Variants in MAN1A1 observed in about 807,000 individuals in gnomAD.
MAN1A1 encodes the protein mannosidase alpha class 1A member 1.
MAN1A1 carries 29 observed loss-of-function variants against 70.8 expected under a neutral mutation model. The observed-to-expected ratio is 0.41, with a 90% CI of 0.31 to 0.56. MAN1A1 has a LOEUF of 0.56. MAN1A1 is among the 20% of genes least tolerant of loss of function. The probability of loss-of-function intolerance (pLI) is 0.29; values close to 1 mark genes in which losing one functional copy is unlikely to be tolerated. For missense variants in MAN1A1, 747 were observed against 841.3 expected (o/e 0.89, Z 1.39); for synonymous variants, 349 against 330.1 (o/e 1.06, Z -0.62).
At chr6:119,203,254 C>CA (rs776176402) in intron 7 of MAN1A1, among the ~76,000 whole-genome samples, 25 of 152,086 alleles carry the variant, frequency 1.6e-4, no homozygotes, top group Non-Finnish European at 4.4e-5. Context: ...CCATGTTAGT[C>CA]AGAGTGGCCT....
At chr6:119,241,125 A>T (rs537862327) in intron 6 of MAN1A1, among the ~76,000 whole-genome samples, 1 of 152,216 alleles carries the variant, frequency 6.6e-6, no homozygotes, top group African/African-American at 2.4e-5. Context: ...AAAAATGCCT[A>T]AAGTTTACTT....
intron 2 of MAN1A1, among the ~76,000 whole-genome samples, chr6:119,341,763 T>C (rs565137600): frequency 5.3e-5 from 8 of 152,294 alleles, no homozygotes; most frequent in Non-Finnish European, 7.4e-5. Context: ...ATGAAACAGA[T>C]TGAAATTCAC....
In MAN1A1 at chr6:119,331,582, T is replaced by TATATATATATATATAC. The variant is rs1554216775; in HGVS notation, c.603+16880_603+16881insGTATATATATATATAT. Among the ~76,000 whole-genome samples the TATATATATATATATAC allele has an allele frequency of 1.2e-3, 175 of 144,728 alleles. 2 individuals carry two copies. Among genetic ancestry groups the TATATATATATATATAC allele is most frequent in the Middle Eastern group, 7.2e-3 (2 of 276 alleles). 94.9% of individuals were successfully genotyped at this position (144,728 alleles called of 152,430 possible). On this transcript the variant is annotated intron_variant, in intron 2 of 12. Coordinates refer to ENST00000368468, the MANE Select transcript of MAN1A1 (RefSeq NM_005907.4). The stretch of plus-strand genomic sequence containing the variant: ...TGTACATATTATGCATATATATATA[T>TATATATATATATATAC]ATATATATATATATATAATCAAGGG...
At chr6:119,181,531 T>C (rs1773154740) in intron 11 of MAN1A1, among the ~76,000 whole-genome samples, 1 of 151,670 alleles carries the variant, frequency 6.6e-6, no homozygotes, top group South Asian at 2.1e-4. Flanking sequence ...TGATCCTACA[T>C]TTCTGTAGTT....
At chr6:119,229,802 T>C (rs1279155921) in intron 6 of MAN1A1, among the ~76,000 whole-genome samples, 3 of 152,080 alleles carry the variant, frequency 2.0e-5, no homozygotes, top group African/African-American at 7.3e-5. Flanking sequence ...CCGTTCTGAC[T>C]TCAGTTTTTT....
chr6:119,180,199 GA>G (rs1773113308), intron 12 of MAN1A1, 112 bp downstream of exon 12: 1 of 798,474 alleles, frequency 1.3e-6, no homozygotes, highest in African/African-American at 1.7e-5. Context: ...AGCCATGCCT[GA>G]TATTCTGAAT....
chr6:119,331,306 C>T (rs894370402), intron 2 of MAN1A1, among the ~76,000 whole-genome samples: 1 of 151,906 alleles, frequency 6.6e-6, no homozygotes, highest in Non-Finnish European at 1.5e-5. Flanking sequence ...ATTCATACTG[C>T]ATTTTTGTTA....
At chr6:119,309,209 G>A (rs1471142792) in intron 2 of MAN1A1, among the ~76,000 whole-genome samples, 1 of 152,182 alleles carries the variant, frequency 6.6e-6, no homozygotes, top group Non-Finnish European at 1.5e-5. Flanking sequence ...GATCACTTCT[G>A]GAAATGATTT....
chr6:119,328,143 A>G (rs1185761729), intron 2 of MAN1A1, among the ~76,000 whole-genome samples: 1 of 152,204 alleles, frequency 6.6e-6, no homozygotes, highest in African/African-American at 2.4e-5. Context: ...CTCTGTGATA[A>G]TTTGTTAGAG....
intron 4 of MAN1A1, among the ~76,000 whole-genome samples, chr6:119,293,839 G>C (rs1356437952): frequency 1.3e-5 from 2 of 152,072 alleles, no homozygotes; most frequent in Non-Finnish European, 2.9e-5. Context: ...AAAGACCTGG[G>C]ATTGAAGGCT....
At position 119,180,432 on chromosome 6, in the gene MAN1A1, A is replaced by C. The variant is rs766138246; in HGVS notation, c.1720-5T>G. The C allele has an allele frequency of 6.8e-7, 1 of 1,478,736 alleles. No homozygotes were observed. The highest frequency in any genetic ancestry group is 1.4e-5 in the African/African-American group (1 of 71,356). The allele number at this position is 1,478,736 out of a possible 1,614,324, so 91.6% of individuals were successfully genotyped here. ...TCTGCAATGGTTTTCCAAGGCCTAA[A>C]TTATAGAGGAGGAAAAAAAAAAGTC... On this transcript the variant is annotated splice_region_variant and splice_polypyrimidine_tract_variant and intron_variant, in intron 11 of 12. Transcript: ENST00000368468.
chr6:119,292,206 G>C (rs1772049178), intron 4 of MAN1A1, among the ~76,000 whole-genome samples: 1 of 152,140 alleles, frequency 6.6e-6, no homozygotes, highest in Non-Finnish European at 1.5e-5. Flanking sequence ...TACTAGGTAA[G>C]TTAGAATAGC....
chr6:119,234,133 C>T (rs1333703480), intron 6 of MAN1A1, among the ~76,000 whole-genome samples: 2 of 152,162 alleles, frequency 1.3e-5, no homozygotes, highest in Non-Finnish European at 2.9e-5. Context: ...CACACTTGAT[C>T]TCCCACTTCA....
intron 2 of MAN1A1, among the ~76,000 whole-genome samples, chr6:119,315,687 G>A (rs1429543950): frequency 6.6e-6 from 1 of 152,192 alleles, no homozygotes; most frequent in African/African-American, 2.4e-5. Context: ...CAACTCAAAA[G>A]TTAGAGGTCA....
In MAN1A1 at chr6:119,320,570, G is replaced by A. The variant is rs553319495; in HGVS notation, c.604-13578C>T. 1.5e-4 allele frequency among the ~76,000 whole-genome samples: 23 copies of A among 151,960 alleles called. No homozygotes were observed. The South Asian group carries it at 3.5e-3, about 23-fold the overall frequency. On this transcript the variant is annotated intron_variant, in intron 2 of 12. Transcript: ENST00000368468. ...TTACCAAAAAAATTACAGTAGCCAA[G>A]TCCTCTGATTAAGTTTTAAAGACTG...
intron 3 of MAN1A1, 70 bp from the exon 4 acceptor site, chr6:119,302,173 T>G: frequency 1.4e-6 from 1 of 710,886 alleles, no homozygotes; most frequent in South Asian, 1.7e-5. Flanking sequence ...TGACCATAAC[T>G]AAGAAAGGGA....
chr6:119,205,567 CTT>C (rs1300257949), intron 6 of MAN1A1, among the ~76,000 whole-genome samples: 1 of 152,126 alleles, frequency 6.6e-6, no homozygotes, highest in Non-Finnish European at 1.5e-5. Context: ...GCTTCATGGC[CTT>C]TCTTGGAGAA....
chr6:119,243,032 G>GT (rs1775054258), intron 6 of MAN1A1, among the ~76,000 whole-genome samples: 1 of 152,020 alleles, frequency 6.6e-6, no homozygotes, highest in African/African-American at 2.4e-5. Context: ...TTAGAAAGAT[G>GT]TAACTTCTTT....
chr6:119,257,495 A>G (rs949533048), intron 5 of MAN1A1, among the ~76,000 whole-genome samples: 2 of 152,150 alleles, frequency 1.3e-5, no homozygotes, highest in Non-Finnish European at 2.9e-5. Context: ...AGAGGCAAAC[A>G]TATATGAACG....
Sources: allele counts gnomAD v4.1 joint callset (sites outside exome capture counted in the v4.1 genomes callset), GRCh38; gene constraint gnomAD v4.1.1; transcripts MANE v1.5; gene names NCBI Gene and HGNC (gene_info 2026-07-23, HGNC 2026-07-21).